The following MAPKAP1 variants were observed in gnomAD, a reference collection of about 807,000 sequenced individuals.
MAPKAP1 encodes target of rapamycin complex 2 subunit MAPKAP1.
A neutral mutation model predicts 65.7 loss-of-function variants in MAPKAP1; 20 were observed. The observed-to-expected ratio is 0.30, with a 90% CI of 0.21 to 0.44. The LOEUF (loss-of-function observed/expected upper bound fraction) is 0.44. MAPKAP1 is among the 20% of genes least tolerant of loss of function. The pLI is 1.00. For missense variants in MAPKAP1, 423 were observed against 648.0 expected, an observed-to-expected ratio of 0.65 and a Z score of 3.77; for synonymous variants, 222 against 244.3, an observed-to-expected ratio of 0.91 and a Z score of 0.85.
chr9:125,571,845 G>C (rs904260218), intron 5 of MAPKAP1, among the ~76,000 whole-genome samples: 1 of 152,076 alleles, frequency 6.6e-6, no homozygotes, highest in Non-Finnish European at 1.5e-5. Context: ...CCTGCTCGAC[G>C]GGAGCGAGAC....
intron 4 of MAPKAP1, among the ~76,000 whole-genome samples, chr9:125,593,901 G>A (rs1832046180): frequency 1.3e-5 from 2 of 152,188 alleles, no homozygotes. Context: ...AATGCAGTCA[G>A]AATCTGAAAT....
intron 4 of MAPKAP1, among the ~76,000 whole-genome samples, chr9:125,642,601 G>A (rs1833610604): frequency 6.6e-6 from 1 of 152,172 alleles, no homozygotes; most frequent in Non-Finnish European, 1.5e-5. Flanking sequence ...TGGTAACACA[G>A]TTCTGAGAAA....
At chr9:125,613,089 AGACAGAT>A (rs2131634008) in intron 4 of MAPKAP1, among the ~76,000 whole-genome samples, 1 of 152,314 alleles carries the variant, frequency 6.6e-6, no homozygotes, top group East Asian at 1.9e-4. Context: ...ATACTTGAAG[AGACAGAT>A]GAGTGTTAGT....
At chr9:125,642,245 T>C (rs1214278402) in intron 4 of MAPKAP1, among the ~76,000 whole-genome samples, 1 of 151,146 alleles carries the variant, frequency 6.6e-6, no homozygotes. Flanking sequence ...AAAAAAAAAA[T>C]TAAATTGCTA....
chr9:125,688,286 C>T lies in MAPKAP1; in HGVS notation c.-69-15643G>A, dbSNP rs534926140. 4.6e-5 allele frequency among the ~76,000 whole-genome samples: 7 copies of T among 152,160 alleles called. No individual in the cohort carries two copies. In the South Asian group the frequency reaches 1.5e-3, roughly 32 times the overall value. ...CCTAAGTAACTGGGATTACAGCCAC[C>T]CACCACCACACCCTGCTAATTTTGT... On this transcript the variant is annotated intron_variant, in intron 1 of 11. Coordinates refer to ENST00000265960, the MANE Select transcript of MAPKAP1 (RefSeq NM_001006617.3).
intron 7 of MAPKAP1, among the ~76,000 whole-genome samples, chr9:125,531,299 C>A (rs901362667): frequency 2.0e-5 from 3 of 152,238 alleles, no homozygotes; most frequent in Non-Finnish European, 4.4e-5. Flanking sequence ...AGCTGTGCGA[C>A]CTCAGCAAGT....
At chr9:125,555,866 C>A (rs1160304845) in intron 6 of MAPKAP1, among the ~76,000 whole-genome samples, 2 of 152,228 alleles carry the variant, frequency 1.3e-5, no homozygotes, top group Admixed American at 6.5e-5. Flanking sequence ...TTCAGTCCAG[C>A]TGAGCAATGT....
At chr9:125,579,930 A>G (rs1197835020) in intron 5 of MAPKAP1, among the ~76,000 whole-genome samples, 1 of 152,258 alleles carries the variant, frequency 6.6e-6, no homozygotes, top group South Asian at 2.1e-4. Flanking sequence ...AATTCGAAAT[A>G]TGGAACAACT....
intron 8 of MAPKAP1, among the ~76,000 whole-genome samples, chr9:125,504,500 G>T (rs924925464): frequency 6.6e-6 from 1 of 152,182 alleles, no homozygotes; most frequent in East Asian, 1.9e-4. Context: ...TCCTAGGCCG[G>T]TGTGGTGGTT....
intron 4 of MAPKAP1, among the ~76,000 whole-genome samples, chr9:125,597,059 G>A (rs1438282489): frequency 8.6e-5 from 13 of 150,904 alleles, no homozygotes; most frequent in Non-Finnish European, 2.9e-5. Flanking sequence ...TCAGGAGATC[G>A]AGACCATCCT....
At chr9:125,502,164 T>C (rs1444537546) in intron 8 of MAPKAP1, among the ~76,000 whole-genome samples, 1 of 151,844 alleles carries the variant, frequency 6.6e-6, no homozygotes, top group Non-Finnish European at 1.5e-5. Context: ...TGTAGTGGCA[T>C]GATCTCAGCT....
At chr9:125,652,375 G>T in intron 4 of MAPKAP1, 1 of 601,898 alleles carries the variant, frequency 1.7e-6, no homozygotes, top group Non-Finnish European at 2.1e-6. Flanking sequence ...TTCACTTCAG[G>T]CTCGACATTG....
At chr9:125,672,217 A>C in intron 2 of MAPKAP1, 99 bp downstream of exon 2, 1 of 1,350,144 alleles carries the variant, frequency 7.4e-7, no homozygotes, top group Middle Eastern at 1.9e-4. Flanking sequence ...TAATACCCGG[A>C]AACATCCCCC....
chr9:125,492,833 T>C (rs1854783597), intron 8 of MAPKAP1, among the ~76,000 whole-genome samples: 1 of 152,222 alleles, frequency 6.6e-6, no homozygotes, highest in African/African-American at 2.4e-5. Flanking sequence ...TATCCTCACC[T>C]TTGTCCATAG....
chr9:125,649,113 A>G (rs907500884), intron 4 of MAPKAP1, among the ~76,000 whole-genome samples: 1 of 152,146 alleles, frequency 6.6e-6, no homozygotes, highest in Non-Finnish European at 1.5e-5. Flanking sequence ...TCTACTGCAA[A>G]CCATGCAGAG....
intron 5 of MAPKAP1, among the ~76,000 whole-genome samples, chr9:125,585,245 T>C (rs941423453): frequency 6.6e-6 from 1 of 152,206 alleles, no homozygotes; most frequent in Non-Finnish European, 1.5e-5. Flanking sequence ...GCCCAATGCA[T>C]GATTGGTGCT....
At chr9:125,476,785 C>A (rs1589222897) in intron 9 of MAPKAP1, among the ~76,000 whole-genome samples, 1 of 152,088 alleles carries the variant, frequency 6.6e-6, no homozygotes. Context: ...ATAATAACTG[C>A]GGTAGGAAAG....
intron 1 of MAPKAP1, among the ~76,000 whole-genome samples, chr9:125,694,735 G>C (rs138610318): frequency 3.7e-4 from 56 of 152,280 alleles, no homozygotes; most frequent in African/African-American, 1.3e-3. Context: ...TGTGGGAAGG[G>C]AATGTTCCAA....
At chr9:125,617,050 G>A (rs1305657499) in intron 4 of MAPKAP1, among the ~76,000 whole-genome samples, 2 of 152,154 alleles carry the variant, frequency 1.3e-5, no homozygotes, top group Non-Finnish European at 2.9e-5. Context: ...ATTTGTGTGT[G>A]TGTGAAGTGA....
Sources: gnomAD v4.1 joint callset for allele counts (sites outside exome capture counted in the v4.1 genomes callset) on GRCh38, gnomAD v4.1.1 for gene constraint, MANE v1.5 for transcripts, NCBI Gene and HGNC (gene_info 2026-07-23, HGNC 2026-07-21) for gene names.